ARHGAP26: variants seen among roughly 807,000 people sequenced by gnomAD.
The protein encoded by ARHGAP26 is Rho GTPase activating protein 26.
Under a neutral mutation model 104.8 loss-of-function variants are expected in ARHGAP26, and 38 were observed. The observed-to-expected ratio is 0.36, with a 90% CI of 0.28 to 0.48. The LOEUF is 0.48. ARHGAP26 is among the 20% of genes least tolerant of loss of function. The pLI, the probability that ARHGAP26 is intolerant of heterozygous loss-of-function variation, is 0.99. For missense variants in ARHGAP26, 704 were observed against 947.9 expected (o/e 0.74, Z 3.38); for synonymous variants, 341 against 340.0 (o/e 1.00, Z -0.03).
chr5:143,201,499 G>T (rs542155680), intron 20 of ARHGAP26, among the ~76,000 whole-genome samples: 1 of 152,298 alleles, frequency 6.6e-6, no homozygotes, highest in South Asian at 2.1e-4. Flanking sequence ...TTTGGGTTTG[G>T]TGAGGGGCAG....
At chr5:143,095,687 C>T (rs1792194438) in intron 17 of ARHGAP26, among the ~76,000 whole-genome samples, 1 of 152,186 alleles carries the variant, frequency 6.6e-6, no homozygotes, top group African/African-American at 2.4e-5. Context: ...GTTGTCATGC[C>T]TCAGCCTCCT....
intron 11 of ARHGAP26, among the ~76,000 whole-genome samples, chr5:142,993,557 G>A (rs1010043363): frequency 6.6e-6 from 1 of 152,148 alleles, no homozygotes; most frequent in Non-Finnish European, 1.5e-5. Context: ...CACCTACCTT[G>A]GCTTCCCAAA....
chr5:142,873,529 C>A, intron 2 of ARHGAP26, 34 bp downstream of exon 2: 2 of 1,392,660 alleles, frequency 1.4e-6, no homozygotes, highest in South Asian at 1.4e-5. Context: ...TAAAAATGTT[C>A]ATTGTTTGTC....
chr5:143,146,353 A>G (rs917461727), intron 19 of ARHGAP26, among the ~76,000 whole-genome samples: 6 of 152,228 alleles, frequency 3.9e-5, no homozygotes, highest in African/African-American at 9.6e-5. Context: ...ATTCCTGCCT[A>G]TGATCCCACT....
chr5:142,937,000 T>TA (rs748517375), intron 11 of ARHGAP26, among the ~76,000 whole-genome samples: 10 of 152,096 alleles, frequency 6.6e-5, no homozygotes, highest in Non-Finnish European at 1.0e-4. Context: ...ACCCATAAAA[T>TA]AAAAAATGGA....
intron 12 of ARHGAP26, among the ~76,000 whole-genome samples, chr5:143,017,821 A>T (rs913698388): frequency 6.6e-6 from 1 of 152,208 alleles, no homozygotes; most frequent in African/African-American, 2.4e-5. Flanking sequence ...CACCACCACA[A>T]TGGACATCTT....
intron 20 of ARHGAP26, among the ~76,000 whole-genome samples, chr5:143,192,291 G>GC (rs1225163459): frequency 6.6e-6 from 1 of 152,222 alleles, no homozygotes; most frequent in Non-Finnish European, 1.5e-5. Context: ...TGGCGGATGA[G>GC]CAGTGGTTAC....
chr5:142,808,578 G>C (rs951591320), intron 1 of ARHGAP26, among the ~76,000 whole-genome samples: 2 of 151,964 alleles, frequency 1.3e-5, no homozygotes, highest in Non-Finnish European at 2.9e-5. Flanking sequence ...GCAGGGTCTG[G>C]CCAGAAATAC....
intron 11 of ARHGAP26, among the ~76,000 whole-genome samples, chr5:142,940,620 G>A (rs1766116492): frequency 6.6e-6 from 1 of 152,054 alleles, no homozygotes; most frequent in Admixed American, 6.6e-5. Context: ...TTCCCCCAAG[G>A]GGCATGATCT....
chr5:143,041,551 G>T, intron 13 of ARHGAP26: 1 of 357,912 alleles, frequency 2.8e-6, no homozygotes, highest in Non-Finnish European at 5.4e-6. Flanking sequence ...CCTTTGGCAA[G>T]AGAAAGGAAA....
intron 19 of ARHGAP26, among the ~76,000 whole-genome samples, chr5:143,143,164 G>A (rs1440178504): frequency 6.6e-6 from 1 of 152,138 alleles, no homozygotes; most frequent in African/African-American, 2.4e-5. Flanking sequence ...CATGCATGGG[G>A]GGAAACCTCC....
rs1811724549 is a variant in ARHGAP26, at chr5:143,226,927, A to T, written c.*4481A>T. The T allele has an allele frequency of 4.4e-6, 1 of 227,200 alleles. No homozygotes were observed. The highest frequency in any genetic ancestry group is 2.2e-5 in the African/African-American group (1 of 45,002). 14.1% of individuals were successfully genotyped at this position (227,200 alleles called of 1,614,324 possible). ...TGTGCCATACCTGCGGCTCAAAGGGAAGGCCTTCTATCCCCTGAGTTTCTA... is the reference window on the plus strand; with the variant it reads ...TGTGCCATACCTGCGGCTCAAAGGGTAGGCCTTCTATCCCCTGAGTTTCTA... On this transcript the variant is annotated 3_prime_UTR_variant, in exon 23 of 23. Coordinates refer to ENST00000645722, the MANE Select transcript of ARHGAP26 (RefSeq NM_001135608.3).
At chr5:143,096,313 G>A (rs1792299870) in intron 17 of ARHGAP26, among the ~76,000 whole-genome samples, 1 of 152,308 alleles carries the variant, frequency 6.6e-6, no homozygotes, top group African/African-American at 2.4e-5. Flanking sequence ...CATGCTCGTG[G>A]TGCAGATCCA....
chr5:142,955,440 C>G (rs143583279), intron 11 of ARHGAP26, among the ~76,000 whole-genome samples: 4 of 152,170 alleles, frequency 2.6e-5, no homozygotes, highest in African/African-American at 9.6e-5. Flanking sequence ...GCCTAGAGGA[C>G]TGAATAGGAA....
chr5:143,116,039 C>T (rs967396495), intron 17 of ARHGAP26, among the ~76,000 whole-genome samples: 25 of 152,166 alleles, frequency 1.6e-4, no homozygotes, highest in African/African-American at 6.0e-4. Flanking sequence ...CAGAGTGTGT[C>T]ATACTTACTA....
intron 20 of ARHGAP26, among the ~76,000 whole-genome samples, chr5:143,166,538 G>C (rs1801972918): frequency 6.6e-6 from 1 of 152,112 alleles, no homozygotes; most frequent in South Asian, 2.1e-4. Context: ...ACCATTCTGT[G>C]CCTGGGCTTT....
intron 14 of ARHGAP26, among the ~76,000 whole-genome samples, chr5:143,046,652 C>T (rs1428626356): frequency 6.6e-6 from 1 of 152,184 alleles, no homozygotes; most frequent in East Asian, 1.9e-4. Flanking sequence ...GGTTTTCCCC[C>T]CTGAATATTA....
At chr5:143,105,219 T>C (rs991660758) in intron 17 of ARHGAP26, among the ~76,000 whole-genome samples, 1 of 151,742 alleles carries the variant, frequency 6.6e-6, no homozygotes, top group Non-Finnish European at 1.5e-5. Flanking sequence ...CTACTAAAAA[T>C]ACAAAAAATT....
chr5:142,924,161 T>G (rs544410509), intron 10 of ARHGAP26, among the ~76,000 whole-genome samples: 2 of 152,200 alleles, frequency 1.3e-5, no homozygotes, highest in African/African-American at 4.8e-5. Flanking sequence ...AATAATTGAT[T>G]AGAAGCTACT....
Sources: allele counts gnomAD v4.1 joint callset (sites outside exome capture counted in the v4.1 genomes callset), GRCh38; gene constraint gnomAD v4.1.1; transcripts MANE v1.5; gene names NCBI Gene and HGNC (gene_info 2026-07-23, HGNC 2026-07-21).